Variants in PCDHA3 observed in about 807,000 individuals in gnomAD.
The protein encoded by PCDHA3 is protocadherin alpha 3, also known as protocadherin alpha-3.
In PCDHA3, 41 loss-of-function variants were observed where a neutral mutation model predicts 62.2. The observed-to-expected ratio is 0.66, with a 90% CI of 0.51 to 0.86. The LOEUF (loss-of-function observed/expected upper bound fraction) is 0.86, where lower values mean the gene tolerates loss of function less well. PCDHA3 is among the 40% of genes least tolerant of loss of function. The probability of loss-of-function intolerance (pLI) is 0.00; values close to 1 mark genes in which losing one functional copy is unlikely to be tolerated. For synonymous variants in PCDHA3, 640 were observed against 555.4 expected, an observed-to-expected ratio of 1.15 and a Z score of -2.14; for missense variants, 1,304 against 1,241.2, an observed-to-expected ratio of 1.05 and a Z score of -0.76.
chr5:140,831,586 C>T (rs1771633108), intron 1 of PCDHA3, among the ~76,000 whole-genome samples: 1 of 142,296 alleles, frequency 7.0e-6, no homozygotes, highest in South Asian at 2.4e-4. Flanking sequence ...TGGTCTCAAA[C>T]TACTGGGTGC....
chr5:140,837,864 A>G (rs1279625431), intron 1 of PCDHA3, among the ~76,000 whole-genome samples: 2 of 151,530 alleles, frequency 1.3e-5, no homozygotes, highest in East Asian at 1.9e-4. Flanking sequence ...ATTTTTGTAG[A>G]GACAGGGTGG....
chr5:140,841,716 T>G lies in PCDHA3; in HGVS notation c.2394+38125T>G, dbSNP rs1554138489. The G allele has an allele frequency of 6.2e-7, 1 of 1,613,904 alleles. No homozygotes were observed. Among genetic ancestry groups the G allele is most frequent in the Admixed American group, 1.7e-5 (1 of 59,998 alleles). ...AAGGATGTTAATGACAACCCGCCAG[T>G]GTTCCGGGTAAAAGACCAAAAGCTG... On this transcript the variant is annotated intron_variant, in intron 1 of 3. Transcript: ENST00000522353.
intron 1 of PCDHA3, chr5:140,808,863 A>T: frequency 6.2e-7 from 1 of 1,613,090 alleles, no homozygotes; most frequent in Non-Finnish European, 8.5e-7. Context: ...CTGGACGAAA[A>T]CGACAACGCG....
At chr5:140,958,374 A>G (rs953397625) in intron 1 of PCDHA3, among the ~76,000 whole-genome samples, 3 of 152,134 alleles carry the variant, frequency 2.0e-5, no homozygotes, top group African/African-American at 7.2e-5. Context: ...GAATGTTGCT[A>G]TTTTCTTAAC....
Position 140,848,545 on chromosome 5 carries a change from C to A in PCDHA3, c.2394+44954C>A. On this transcript the variant is annotated intron_variant, in intron 1 of 3. Coordinates refer to ENST00000522353, the MANE Select transcript of PCDHA3 (RefSeq NM_018906.3). ...CCAGAGGGTCAGCCTCTACTGCTCT[C>A]GCTTCTGATCCTCGCAATGTGGGTG... is the stretch of plus-strand genomic sequence containing the variant. 4 of 1,595,440 alleles carry A rather than the reference C, an allele frequency of 2.5e-6. 1 individual carries two copies. Among genetic ancestry groups the A allele is most frequent in the Non-Finnish European group, 3.4e-6 (4 of 1,165,436 alleles).
chr5:140,917,332 G>GA, intron 1 of PCDHA3, among the ~76,000 whole-genome samples: 1 of 145,644 alleles, frequency 6.9e-6, no homozygotes, highest in Non-Finnish European at 1.5e-5. Context: ...GGCGGGGGAG[G>GA]GGGGGGATGG....
intron 1 of PCDHA3, chr5:140,877,117 G>T (rs781979355): frequency 6.8e-6 from 11 of 1,613,720 alleles, no homozygotes; most frequent in Admixed American, 3.3e-5. Flanking sequence ...GGGCAGCAAC[G>T]TGACGCTGCA....
intron 1 of PCDHA3, chr5:140,884,465 G>C (rs782791774): frequency 1.2e-6 from 2 of 1,613,634 alleles, no homozygotes; most frequent in Admixed American, 3.3e-5. Context: ...GGGCGCGTGC[G>C]CGCCGGGCAA....
At chr5:140,928,711 A>C in intron 1 of PCDHA3, 1 of 1,614,098 alleles carries the variant, frequency 6.2e-7, no homozygotes, top group South Asian at 1.1e-5. Flanking sequence ...GTCTGACTCT[A>C]GTCTCTTTAG....
intron 1 of PCDHA3, among the ~76,000 whole-genome samples, chr5:140,919,139 C>T (rs1294020429): frequency 6.6e-6 from 1 of 152,120 alleles, no homozygotes; most frequent in Non-Finnish European, 1.5e-5. Context: ...TTTTGGGGCT[C>T]TATTATTAGA....
intron 1 of PCDHA3, among the ~76,000 whole-genome samples, chr5:140,945,280 A>G (rs1482777954): frequency 6.6e-6 from 1 of 152,146 alleles, no homozygotes; most frequent in Non-Finnish European, 1.5e-5. Flanking sequence ...ACTTTAAAAC[A>G]TTGATGAAAG....
chr5:140,833,353 G>C (rs891169928), intron 1 of PCDHA3, among the ~76,000 whole-genome samples: 3 of 152,096 alleles, frequency 2.0e-5, no homozygotes, highest in African/African-American at 4.8e-5. Flanking sequence ...TCCAGAAAAC[G>C]AACACAGTAA....
chr5:140,990,605 A>T (rs1234326404), intron 3 of PCDHA3, among the ~76,000 whole-genome samples: 4 of 152,214 alleles, frequency 2.6e-5, no homozygotes, highest in Non-Finnish European at 4.4e-5. Flanking sequence ...GAGTCAGATG[A>T]ATACCGTAAA....
intron 1 of PCDHA3, among the ~76,000 whole-genome samples, chr5:140,921,231 T>C (rs1171159325): frequency 3.3e-5 from 5 of 152,122 alleles, no homozygotes; most frequent in African/African-American, 4.8e-5. Context: ...TGCTAGATGA[T>C]ATTAAGCCAC....
At position 140,851,093 on chromosome 5, in the gene PCDHA3, T is replaced by C. The variant is rs1043292821; in HGVS notation, c.2394+47502T>C. On this transcript the variant is annotated intron_variant, in intron 1 of 3. Coordinates refer to ENST00000522353, the MANE Select transcript of PCDHA3 (RefSeq NM_018906.3). Reference sequence around the variant, plus strand: ...AATTATAAACTGTATATTAAATAGATATTTTTTGGGTGCTGAATCAATTTT... The same window carrying C: ...AATTATAAACTGTATATTAAATAGACATTTTTTGGGTGCTGAATCAATTTT... 2 of 1,294,092 alleles carry C rather than the reference T, an allele frequency of 1.5e-6. 1 individual carries two copies. The highest frequency in any genetic ancestry group is 2.0e-6 in the Non-Finnish European group (2 of 996,006). The allele number at this position is 1,294,092 out of a possible 1,614,324, so 80.2% of individuals were successfully genotyped here.
At chr5:140,842,412 A>T in intron 1 of PCDHA3, 1 of 1,613,004 alleles carries the variant, frequency 6.2e-7, no homozygotes, top group East Asian at 2.2e-5. Context: ...GAAGACGCTC[A>T]ATTTGGTACT....
chr5:140,860,067 T>C (rs2150484600), intron 1 of PCDHA3: 1 of 151,674 alleles, frequency 6.6e-6, no homozygotes, highest in African/African-American at 2.4e-5. Flanking sequence ...GGTGGGAGGA[T>C]GGTTTGAGGC....
intron 1 of PCDHA3, among the ~76,000 whole-genome samples, chr5:140,879,660 G>A (rs994440632): frequency 1.3e-5 from 2 of 152,154 alleles, no homozygotes; most frequent in East Asian, 1.9e-4. Flanking sequence ...TATAACAAAC[G>A]AACACAAACT....
At chr5:140,857,095 G>T (rs1253933979) in intron 1 of PCDHA3, 2 of 1,597,378 alleles carry the variant, frequency 1.3e-6, no homozygotes, top group Admixed American at 1.7e-5. Context: ...CACCTGAGGT[G>T]ATTGTCACTT....
Sources: allele counts gnomAD v4.1 joint callset (sites outside exome capture counted in the v4.1 genomes callset), GRCh38; gene constraint gnomAD v4.1.1; transcripts MANE v1.5; gene names NCBI Gene and HGNC (gene_info 2026-07-23, HGNC 2026-07-21).